PRKCQ: variants seen among roughly 807,000 people sequenced by gnomAD.
PRKCQ encodes protein kinase C theta type.
Under a neutral mutation model 91.2 loss-of-function variants are expected in PRKCQ, and 41 were observed. The ratio of observed to expected loss-of-function variants is 0.45; its 90% confidence interval spans 0.35 to 0.58. The LOEUF is 0.58. PRKCQ is among the 20% of genes least tolerant of loss of function. PRKCQ has a pLI of 0.00. For missense variants in PRKCQ, 673 were observed against 896.5 expected, an observed-to-expected ratio of 0.75 and a Z score of 3.18; for synonymous variants, 307 against 316.9, an observed-to-expected ratio of 0.97 and a Z score of 0.33.
In PRKCQ at chr10:6,497,818, A is replaced by T. The variant is rs1213389979; in HGVS notation, c.543-567T>A. On this transcript the variant is annotated intron_variant, in intron 5 of 17. Coordinates refer to ENST00000263125, the MANE Select transcript of PRKCQ (RefSeq NM_006257.5). The surrounding 1 kb of genome is among the most constrained non-coding windows in gnomAD (Gnocchi z 4.5). ...GGTTACACAGGAGCTGTGCTTTAAC[A>T]GTTTCTGCAGTAGCCTAAAGGGAAG... Among the ~76,000 whole-genome samples, 1 of 152,214 alleles carries T rather than the reference A, an allele frequency of 6.6e-6. No individual in the cohort carries two copies. The highest frequency in any genetic ancestry group is 1.5e-5 in the Non-Finnish European group (1 of 68,040).
chr10:6,463,876 G>A lies in PRKCQ; in HGVS notation c.1445+437C>T, dbSNP rs116488473. ...GTCTCAGGCTGCCGGCACTAGGAAG[G>A]AGAAGCTTTGTTCTCAGATGGACTA... On this transcript the variant is annotated intron_variant, in intron 13 of 17. Coordinates refer to ENST00000263125, the MANE Select transcript of PRKCQ (RefSeq NM_006257.5). Among the ~76,000 whole-genome samples the A allele has an allele frequency of 3.4e-3, 521 of 152,264 alleles. 1 individual carries two copies. The highest frequency in any genetic ancestry group is 0.012 in the African/African-American group (500 of 41,544).
intron 16 of PRKCQ, among the ~76,000 whole-genome samples, chr10:6,437,418 G>A (rs1833752463): frequency 6.6e-6 from 1 of 152,164 alleles, no homozygotes; most frequent in Admixed American, 6.5e-5. Flanking sequence ...GACACTGCTG[G>A]ACCTTAATCT....
intron 16 of PRKCQ, among the ~76,000 whole-genome samples, chr10:6,431,511 CACACGG>C (rs1387178445): frequency 6.6e-6 from 1 of 152,214 alleles, no homozygotes; most frequent in Non-Finnish European, 1.5e-5. Context: ...TGAGCACACG[CACACGG>C]ACAGGCATAC....
chr10:6,425,694 C>G (rs927965504), downstream of PRKCQ, among the ~76,000 whole-genome samples: 1 of 152,092 alleles, frequency 6.6e-6, no homozygotes, highest in Admixed American at 6.5e-5. Flanking sequence ...AATGATGAGG[C>G]CTGTAATCCC....
chr10:6,442,188 G>A (rs1246094644), intron 15 of PRKCQ, 107 bp from the exon 16 acceptor site: 1 of 1,096,050 alleles, frequency 9.1e-7, no homozygotes, highest in Non-Finnish European at 1.3e-6. Context: ...GGATGATGGT[G>A]TGCAAGAAAG....
chr10:6,543,718 C>A (rs1259532119), intron 1 of PRKCQ, among the ~76,000 whole-genome samples: 1 of 152,184 alleles, frequency 6.6e-6, no homozygotes, highest in East Asian at 1.9e-4. Context: ...ACACGCTGAG[C>A]AGGGCTGAAC....
intron 16 of PRKCQ, among the ~76,000 whole-genome samples, chr10:6,432,990 C>T (rs537776479): frequency 1.3e-5 from 2 of 152,260 alleles, no homozygotes; most frequent in East Asian, 1.9e-4. Context: ...TTGATTACCT[C>T]CCCTGACAGG....
Position 6,503,103 on chromosome 10 carries a change from CTAATGAGAGCAG to C in PRKCQ, c.379+4321_379+4332del, listed in dbSNP as rs1242236285. Among the ~76,000 whole-genome samples the C allele has an allele frequency of 4.6e-5, 7 of 152,150 alleles. No homozygotes were observed. In the East Asian group the frequency reaches 1.3e-3, roughly 29 times the overall value. On this transcript the variant is annotated intron_variant, in intron 4 of 17. Coordinates refer to ENST00000263125, the MANE Select transcript of PRKCQ (RefSeq NM_006257.5). ...TCAGACTATCCATGGCAAAGGGGAACTAATGAGAGCAGAGTGCTGACAAAGGCTTATCATGGG... is the reference window on the plus strand; with the variant it reads ...TCAGACTATCCATGGCAAAGGGGAACAGTGCTGACAAAGGCTTATCATGGG...
intron 15 of PRKCQ, among the ~76,000 whole-genome samples, chr10:6,448,258 G>A (rs955774097): frequency 6.6e-6 from 1 of 152,164 alleles, no homozygotes; most frequent in Admixed American, 6.5e-5. Context: ...GGTGGATGTA[G>A]AGGTGCTGTG....
At chr10:6,550,220 AT>A (rs1261511776) in intron 1 of PRKCQ, among the ~76,000 whole-genome samples, 1 of 152,200 alleles carries the variant, frequency 6.6e-6, no homozygotes, top group East Asian at 1.9e-4. Context: ...GTTCATCCAC[AT>A]GACAGCATGT....
chr10:6,436,393 C>T (rs545933022), intron 16 of PRKCQ, among the ~76,000 whole-genome samples: 33 of 152,286 alleles, frequency 2.2e-4, no homozygotes, highest in Non-Finnish European at 4.7e-4. Context: ...CCCAACGGTT[C>T]CATCCCACGT....
chr10:6,467,625 G>A (rs886856015), intron 12 of PRKCQ, among the ~76,000 whole-genome samples: 1 of 152,136 alleles, frequency 6.6e-6, no homozygotes, highest in African/African-American at 2.4e-5. Flanking sequence ...CAGTCTTGCC[G>A]ACTGTCAACA....
chr10:6,471,560 T>C (rs935881473), intron 12 of PRKCQ, among the ~76,000 whole-genome samples: 20 of 151,652 alleles, frequency 1.3e-4, no homozygotes, highest in Admixed American at 1.3e-3. Context: ...CTGGCCAACA[T>C]GGTGAAACCC....
chr10:6,464,105 T>C (rs928811416), intron 13 of PRKCQ, among the ~76,000 whole-genome samples: 7 of 152,200 alleles, frequency 4.6e-5, no homozygotes, highest in African/African-American at 1.7e-4. Context: ...AGAAACTAAG[T>C]AGTTAGTTTT....
chr10:6,457,570 TG>T (rs1018956258), intron 14 of PRKCQ, among the ~76,000 whole-genome samples: 1 of 152,126 alleles, frequency 6.6e-6, no homozygotes, highest in East Asian at 1.9e-4. Flanking sequence ...ATGTGGCCAC[TG>T]GGGGAAACTG....
At chr10:6,580,281 G>GGGGCTGGC (rs1841426753), upstream of PRKCQ, 2 of 23,748 alleles carry the variant, frequency 8.4e-5, no homozygotes, top group Non-Finnish European at 2.9e-4. Context: ...GGGACTGCGC[G>GGGGCTGGC]GGGACTGGCG....
chr10:6,527,046 GC>G (rs1839225714), intron 1 of PRKCQ, among the ~76,000 whole-genome samples: 1 of 152,170 alleles, frequency 6.6e-6, no homozygotes, highest in Non-Finnish European at 1.5e-5. Flanking sequence ...AAGGTTTGGG[GC>G]CCCAACCCAT....
At chr10:6,417,834 T>C in the PRKCQ span, among the ~76,000 whole-genome samples, 2 of 152,348 alleles carry the variant, frequency 1.3e-5, no homozygotes, top group African/African-American at 4.8e-5. Context: ...GAAGTAACTT[T>C]AGATTTTTAA....
At chr10:6,464,822 G>T (rs1324570807) in intron 12 of PRKCQ, among the ~76,000 whole-genome samples, 1 of 152,162 alleles carries the variant, frequency 6.6e-6, no homozygotes, top group South Asian at 2.1e-4. Context: ...GATCATTTCA[G>T]GGGAACTAAT....
Sources: allele counts gnomAD v4.1 joint callset (sites outside exome capture counted in the v4.1 genomes callset), GRCh38; gene constraint gnomAD v4.1.1; non-coding constraint Gnocchi (gnomAD v3.1); transcripts MANE v1.5; gene names NCBI Gene and HGNC (gene_info 2026-07-23, HGNC 2026-07-21).